SERGEF: variants seen among roughly 807,000 people sequenced by gnomAD.
The protein encoded by SERGEF is secretion regulating guanine nucleotide exchange factor, also known as secretion-regulating guanine nucleotide exchange factor.
A neutral mutation model predicts 50.0 loss-of-function variants in SERGEF; 51 were observed. The observed-to-expected ratio is 1.02, with a 90% CI of 0.81 to 1.29. The LOEUF (loss-of-function observed/expected upper bound fraction) is 1.29. Ranked by LOEUF, SERGEF falls within the 50% of genes most tolerant of loss-of-function variation. The pLI is 0.00. For synonymous variants in SERGEF, 205 were observed against 212.4 expected (o/e 0.97, Z 0.30); for missense variants, 521 against 557.0 (o/e 0.94, Z 0.65).
In SERGEF at chr11:17,849,351, A is replaced by G. The variant is rs137967836; in HGVS notation, c.1048+28857T>C. On this transcript the variant is annotated intron_variant, in intron 10 of 10. Transcript: ENST00000265965. The stretch of plus-strand genomic sequence containing the variant: ...TCCTGACTCTGGGCACTTACTATCA[A>G]CAAGAGTCATACGTGATACTTACTT... 4.7e-3 allele frequency among the ~76,000 whole-genome samples: 712 copies of G among 152,338 alleles called. 3 individuals are homozygous for G. The highest frequency in any genetic ancestry group is 6.0e-3 in the Non-Finnish European group (406 of 68,042).
At chr11:17,827,826 T>C (rs1850227718) in intron 10 of SERGEF, among the ~76,000 whole-genome samples, 1 of 152,202 alleles carries the variant, frequency 6.6e-6, no homozygotes, top group South Asian at 2.1e-4. Context: ...AATCTGTATT[T>C]TTCCCCACTG....
At chr11:17,863,699 G>A (rs1850970294) in intron 10 of SERGEF, 1 of 152,226 alleles carries the variant, frequency 6.6e-6, no homozygotes, top group Non-Finnish European at 1.5e-5. Flanking sequence ...CTAAATGTGA[G>A]TTCCATGAAT....
At chr11:17,988,473 T>C in intron 8 of SERGEF, 124 bp downstream of exon 8, 1 of 865,600 alleles carries the variant, frequency 1.2e-6, no homozygotes, top group Admixed American at 2.8e-5. Flanking sequence ...TAGATCCCAG[T>C]ATCCCCATCT....
At chr11:17,862,150 T>A (rs1210405528) in intron 10 of SERGEF, among the ~76,000 whole-genome samples, 1 of 152,172 alleles carries the variant, frequency 6.6e-6, no homozygotes, top group East Asian at 1.9e-4. Flanking sequence ...CCATGCCTTC[T>A]CCATACTTTT....
intron 9 of SERGEF, among the ~76,000 whole-genome samples, chr11:17,916,698 TG>T (rs1163535152): frequency 6.6e-6 from 1 of 152,260 alleles, no homozygotes; most frequent in African/African-American, 2.4e-5. Flanking sequence ...TGGTTTTTGT[TG>T]CTGTGTAATA....
chr11:17,840,326 A>G (rs1339930339), intron 10 of SERGEF, among the ~76,000 whole-genome samples: 1 of 152,202 alleles, frequency 6.6e-6, no homozygotes, highest in Non-Finnish European at 1.5e-5. Flanking sequence ...GATTTTCACA[A>G]GGCAAATGTT....
intron 10 of SERGEF, among the ~76,000 whole-genome samples, chr11:17,796,239 G>A (rs1481577357): frequency 6.6e-6 from 1 of 152,196 alleles, no homozygotes; most frequent in Non-Finnish European, 1.5e-5. Flanking sequence ...ACTGACCCAG[G>A]AGGCCATGCA....
chr11:18,012,509 G>C, intron 1 of SERGEF: 2 of 1,116,360 alleles, frequency 1.8e-6, no homozygotes, highest in Non-Finnish European at 2.2e-6. Context: ...CACATCTAAA[G>C]GATGCTTTCG....
intron 9 of SERGEF, among the ~76,000 whole-genome samples, chr11:17,879,678 A>G (rs956512557): frequency 6.6e-6 from 1 of 152,194 alleles, no homozygotes; most frequent in Non-Finnish European, 1.5e-5. Flanking sequence ...ATTATATATG[A>G]CTACAGTTAA....
At chr11:17,869,509 G>C (rs1257925346) in intron 10 of SERGEF, among the ~76,000 whole-genome samples, 1 of 152,186 alleles carries the variant, frequency 6.6e-6, no homozygotes, top group Middle Eastern at 3.2e-3. Flanking sequence ...CAAGGTACCA[G>C]CTGATCTGAT....
intron 9 of SERGEF, among the ~76,000 whole-genome samples, chr11:17,880,488 G>T (rs561444800): frequency 1.3e-5 from 2 of 152,208 alleles, no homozygotes; most frequent in African/African-American, 4.8e-5. Flanking sequence ...AAATATTCAT[G>T]ATATGAAAAA....
At chr11:17,956,959 C>T (rs1852886270) in intron 9 of SERGEF, among the ~76,000 whole-genome samples, 1 of 152,158 alleles carries the variant, frequency 6.6e-6, no homozygotes, top group African/African-American at 2.4e-5. Context: ...TCTCTCTTGG[C>T]CTCGAGCAAA....
At chr11:17,924,921 G>A (rs185030410) in intron 9 of SERGEF, among the ~76,000 whole-genome samples, 6 of 152,212 alleles carry the variant, frequency 3.9e-5, no homozygotes, top group African/African-American at 1.4e-4. Flanking sequence ...CGCATGAACA[G>A]GCCCAGAGGT....
chr11:17,788,560 C>T, intron 10 of SERGEF, 147 bp from the exon 11 acceptor site: 1 of 642,894 alleles, frequency 1.6e-6, no homozygotes, highest in Non-Finnish European at 2.5e-6. Context: ...TCCTCCCCAT[C>T]CCTACTTCCT....
intron 9 of SERGEF, among the ~76,000 whole-genome samples, chr11:17,934,527 A>C (rs12294071): frequency 1.3e-5 from 2 of 152,186 alleles, no homozygotes. Flanking sequence ...CTGCTTAGAC[A>C]TTACTTCCAC....
chr11:17,861,839 C>A (rs1015896), intron 10 of SERGEF, among the ~76,000 whole-genome samples: 1 of 152,106 alleles, frequency 6.6e-6, no homozygotes, highest in Non-Finnish European at 1.5e-5. Flanking sequence ...TCCAATAGGT[C>A]GGTAGCATCT....
At chr11:17,930,985 A>C (rs1036669180) in intron 9 of SERGEF, among the ~76,000 whole-genome samples, 14 of 152,128 alleles carry the variant, frequency 9.2e-5, no homozygotes, top group African/African-American at 2.9e-4. Flanking sequence ...GGTCATAAGG[A>C]AGAGCTAATA....
chr11:17,792,997 A>G (rs533318381), intron 10 of SERGEF, among the ~76,000 whole-genome samples: 1 of 152,298 alleles, frequency 6.6e-6, no homozygotes, highest in Admixed American at 6.5e-5. Flanking sequence ...CACACATATT[A>G]TAGACTATGG....
At chr11:17,919,535 A>G (rs1390025768) in intron 9 of SERGEF, among the ~76,000 whole-genome samples, 2 of 152,192 alleles carry the variant, frequency 1.3e-5, no homozygotes, top group Non-Finnish European at 2.9e-5. Context: ...AGTCTGGGTA[A>G]CAGACTCCAA....
Sources: allele counts gnomAD v4.1 joint callset (sites outside exome capture counted in the v4.1 genomes callset), GRCh38; gene constraint gnomAD v4.1.1; transcripts MANE v1.5; gene names NCBI Gene and HGNC (gene_info 2026-07-23, HGNC 2026-07-21).